The following CHEK1 variants were observed in gnomAD, a reference collection of about 807,000 sequenced individuals.
CHEK1 encodes the protein checkpoint kinase 1.
A neutral mutation model predicts 60.2 loss-of-function variants in CHEK1; 32 were observed. The observed-to-expected ratio is 0.53, with a 90% CI of 0.40 to 0.71. CHEK1 has a LOEUF of 0.71. Ranked by LOEUF, CHEK1 falls within the 30% of genes least tolerant of loss-of-function variation. The pLI is 0.00. For missense variants in CHEK1, 399 were observed against 564.6 expected (o/e 0.71, Z 2.97); for synonymous variants, 179 against 187.2 (o/e 0.96, Z 0.36).
chr11:125,678,032 A>G (rs763888873), downstream of CHEK1: 2 of 1,613,948 alleles, frequency 1.2e-6, no homozygotes, highest in African/African-American at 2.7e-5. Context: ...CAGTATGCTC[A>G]CCTTCAGCAT....
rs142773355 is a variant in CHEK1 at position 125,630,635 on chromosome 11, A to G, written c.424+1175A>G. On this transcript the variant is annotated intron_variant, in intron 5 of 12. Coordinates refer to ENST00000438015, the MANE Select transcript of CHEK1 (RefSeq NM_001114122.3). ...CTATACATGCTTTTTTCTTATGTGC[A>G]TATGGATTTTACTTTTTACCCCTTT... 2.7e-3 allele frequency among the ~76,000 whole-genome samples: 409 copies of G among 152,238 alleles called. 1 individual carries two copies. Among genetic ancestry groups the G allele is most frequent in the African/African-American group, 8.9e-3 (369 of 41,554 alleles).
rs1239245813 is a variant in CHEK1, at chr11:125,655,917, A to C, written c.*597A>C. On this transcript the variant is annotated 3_prime_UTR_variant, in exon 13 of 13. Transcript: ENST00000438015. The stretch of plus-strand genomic sequence containing the variant: ...TGTTTTTTCCAGTGTAGTTAGTAAA[A>C]TACTTGTATTTTACAGTGTTGCATA... 4.8e-6 allele frequency: 1 copy of C among 209,076 alleles called. No homozygotes were observed. The highest frequency in any genetic ancestry group is 9.7e-6 in the Non-Finnish European group (1 of 102,870). The allele number at this position is 209,076 out of a possible 1,614,324, so 13.0% of individuals were successfully genotyped here. A position where few individuals can be genotyped will look rare whatever the true frequency, so the allele number is the denominator to read the frequency against.
Position 125,657,098 on chromosome 11 carries a change from T to A in CHEK1, c.*1778T>A. The stretch of plus-strand genomic sequence containing the variant: ...TGTTCATTATATTGTTGTGGGAAGG[T>A]ATTTACTCCTATTATTAAAAATAAA... On this transcript the variant is annotated 3_prime_UTR_variant, in exon 13 of 13. Transcript: ENST00000438015. The A allele has an allele frequency of 5.6e-6, 1 of 179,068 alleles. No homozygotes were observed. The highest frequency in any genetic ancestry group is 1.2e-5 in the Non-Finnish European group (1 of 83,532). The allele number at this position is 179,068 out of a possible 1,614,324, so 11.1% of individuals were successfully genotyped here. A position where few individuals can be genotyped will look rare whatever the true frequency, so the allele number is the denominator to read the frequency against.
At chr11:125,679,216 C>CTTTCTTTTTT (rs748150001), downstream of CHEK1, among the ~76,000 whole-genome samples, 3 of 121,048 alleles carry the variant, frequency 2.5e-5, no homozygotes, top group Non-Finnish European at 3.3e-5. Context: ...CCGTCTCTTT[C>CTTTCTTTTTT]TTTTTTTTTT....
chr11:125,637,182 C>T (rs111947755), intron 7 of CHEK1, among the ~76,000 whole-genome samples: 6 of 152,212 alleles, frequency 3.9e-5, no homozygotes, highest in Admixed American at 1.3e-4. Flanking sequence ...TTGTTAATCT[C>T]GTCACATGAG....
At chr11:125,635,853 GA>G (rs1941053564) in intron 7 of CHEK1, 1 of 166,526 alleles carries the variant, frequency 6.0e-6, no homozygotes, top group Non-Finnish European at 1.3e-5. Context: ...TAATTATAGG[GA>G]TGCACTCTAA....
At chr11:125,637,635 C>T (rs1941127025) in intron 8 of CHEK1, 91 bp downstream of exon 8, 1 of 761,300 alleles carries the variant, frequency 1.3e-6, no homozygotes, top group Non-Finnish European at 2.2e-6. Context: ...CACATGATAG[C>T]TATGATCTCT....
chr11:125,675,011 T>C (rs1942421507), intron 13 of CHEK1, among the ~76,000 whole-genome samples: 1 of 152,216 alleles, frequency 6.6e-6, no homozygotes, highest in Non-Finnish European at 1.5e-5. Flanking sequence ...ACCATTGCTG[T>C]ATGACTAAAT....
In CHEK1 at chr11:125,625,990, A is replaced by G; in HGVS notation, c.-43A>G. 1.4e-6 allele frequency: 1 copy of G among 702,486 alleles called. No homozygotes were observed. The highest frequency in any genetic ancestry group is 2.6e-6 in the Non-Finnish European group (1 of 384,884). 43.5% of individuals were successfully genotyped at this position (702,486 alleles called of 1,614,324 possible). ...AAAAGCGCTGCATTTGGATTCCTGC[A>G]GTGGTGGGCAAAGGACAGTCCGGTG... On this transcript the variant is annotated 5_prime_UTR_variant, in exon 1 of 13. Transcript: ENST00000438015.
In CHEK1 at chr11:125,655,214, T is replaced by A. The variant is rs761664836; in HGVS notation, c.1336-11T>A. ...TTTTGACATAATTTTTTAATACTAT[T>A]TCTAATATAGGGTGATGGATTGGAG... On this transcript the variant is annotated splice_polypyrimidine_tract_variant and intron_variant, in intron 12 of 12. Transcript: ENST00000438015. 3 of 1,594,598 alleles carry A rather than the reference T, an allele frequency of 1.9e-6. No homozygotes were observed. In the South Asian group the frequency reaches 3.4e-5, roughly 18 times the overall value.
downstream of CHEK1, chr11:125,677,804 T>A (rs757305336): frequency 6.2e-7 from 1 of 1,614,138 alleles, no homozygotes; most frequent in Non-Finnish European, 8.5e-7. Context: ...CACCTGTAGA[T>A]GTGCTTGAAA....
At chr11:125,662,595 T>A (rs1274201672) in intron 13 of CHEK1, among the ~76,000 whole-genome samples, 1 of 152,256 alleles carries the variant, frequency 6.6e-6, no homozygotes, top group Non-Finnish European at 1.5e-5. Context: ...TTTTTATTGC[T>A]ATGTGGTATC....
chr11:125,665,265 A>T (rs1166789240), intron 13 of CHEK1, among the ~76,000 whole-genome samples: 3 of 132,202 alleles, frequency 2.3e-5, no homozygotes, highest in Non-Finnish European at 3.2e-5. Context: ...GATTCTATTG[A>T]TGTTGATATG....
chr11:125,661,866 G>C (rs1314203016), downstream of CHEK1, among the ~76,000 whole-genome samples: 1 of 152,086 alleles, frequency 6.6e-6, no homozygotes, highest in African/African-American at 2.4e-5. Context: ...AGAGATAGTA[G>C]ATTTGCATGT....
chr11:125,639,902 A>C (rs1261689763), intron 8 of CHEK1, among the ~76,000 whole-genome samples: 4 of 152,068 alleles, frequency 2.6e-5, no homozygotes, highest in African/African-American at 9.7e-5. Context: ...TTTGTCTAGC[A>C]ATTTTTCTCC....
At chr11:125,672,474 T>C in intron 13 of CHEK1, 2 of 1,207,788 alleles carry the variant, frequency 1.7e-6, no homozygotes, top group Non-Finnish European at 2.3e-6. Flanking sequence ...ATCCTAATGC[T>C]CAGGCAGAGG....
chr11:125,626,672 C>T (rs1392698676), intron 1 of CHEK1, 77 bp from the exon 2 acceptor site: 3 of 1,341,318 alleles, frequency 2.2e-6, no homozygotes, highest in Middle Eastern at 1.8e-4. Context: ...GTGGGCAATC[C>T]TGGGGAGAGG....
chr11:125,657,039 C>T lies in CHEK1; in HGVS notation c.*1719C>T, dbSNP rs1941921670. ...GTCCTGTTTTGCACAGAAAGGCATT[C>T]TGTAAATAATAAGTTGCCTTAATTT... is the stretch of plus-strand genomic sequence containing the variant. On this transcript the variant is annotated 3_prime_UTR_variant, in exon 13 of 13. Coordinates refer to ENST00000438015, the MANE Select transcript of CHEK1 (RefSeq NM_001114122.3). 4 of 187,508 alleles carry T rather than the reference C, an allele frequency of 2.1e-5. No individual in the cohort carries two copies. Among genetic ancestry groups the T allele is most frequent in the Non-Finnish European group, 4.5e-5 (4 of 89,066 alleles). The allele number at this position is 187,508 out of a possible 1,614,324, so 11.6% of individuals were successfully genotyped here.
At chr11:125,672,012 A>G (rs534814068) in intron 13 of CHEK1, 28 of 152,356 alleles carry the variant, frequency 1.8e-4, no homozygotes, top group African/African-American at 6.0e-4. Flanking sequence ...TACTATTATC[A>G]TTATGTTAGT....
Sources: allele counts gnomAD v4.1 joint callset (sites outside exome capture counted in the v4.1 genomes callset), GRCh38; gene constraint gnomAD v4.1.1; transcripts MANE v1.5; gene names NCBI Gene and HGNC (gene_info 2026-07-23, HGNC 2026-07-21).